The following VWA5A variants were observed in gnomAD, a reference collection of about 807,000 sequenced individuals.
VWA5A encodes the protein von Willebrand factor A domain containing 5A.
In VWA5A, 77 loss-of-function variants were observed where a neutral mutation model predicts 84.6. The observed-to-expected ratio is 0.91, with a 90% confidence interval of 0.76 to 1.10. The LOEUF (loss-of-function observed/expected upper bound fraction) is 1.10. Among genes scored for constraint, VWA5A ranks in the 50% least tolerant of loss-of-function variants. VWA5A has a pLI of 0.00. For synonymous variants in VWA5A, 334 were observed against 350.1 expected, an observed-to-expected ratio of 0.95 and a Z score of 0.51; for missense variants, 973 against 963.0, an observed-to-expected ratio of 1.01 and a Z score of -0.14.
At position 124,142,457 on chromosome 11, in the gene VWA5A, A is replaced by G. The variant is rs760197516; in HGVS notation, c.2039A>G (p.His680Arg). The G allele has an allele frequency of 1.4e-5, 22 of 1,614,032 alleles. No homozygotes were observed. The highest frequency in any genetic ancestry group is 1.7e-5 in the Non-Finnish European group (20 of 1,180,030). The change falls in exon 17 of 19, where the codon CAC becomes CGC. Residue 680 changes from histidine (H) to arginine (R), a missense_variant. Coordinates refer to ENST00000456829, the MANE Select transcript of VWA5A (RefSeq NM_001130142.2). ...CTCCTCAAAGGCTTTGGAGAGAATCACCTTGTGCAGCTGATTTACCACCAA... is the reference window on the plus strand; with the variant it reads ...CTCCTCAAAGGCTTTGGAGAGAATCGCCTTGTGCAGCTGATTTACCACCAA... Reference protein sequence around the residue: ...DQHSPGFGENHLVQLIYHQNA... With the variant: ...DQHSPGFGENRLVQLIYHQNA...
At position 124,146,170 on chromosome 11, in the gene VWA5A, A is replaced by G. The variant is rs910402454; in HGVS notation, c.*225A>G. 4 of 423,778 alleles carry G rather than the reference A, an allele frequency of 9.4e-6. No homozygotes were observed. The highest frequency in any genetic ancestry group is 8.3e-5 in the African/African-American group (4 of 48,120). 26.3% of individuals were successfully genotyped at this position (423,778 alleles called of 1,614,324 possible). On this transcript the variant is annotated 3_prime_UTR_variant, in exon 19 of 19. Coordinates refer to ENST00000456829, the MANE Select transcript of VWA5A (RefSeq NM_001130142.2). ...AAAAGTGACAGTGGTCCCAGAACCTATTCCCTTTCTTGAGGGAGTTCAAAA... is the reference window on the plus strand; with the variant it reads ...AAAAGTGACAGTGGTCCCAGAACCTGTTCCCTTTCTTGAGGGAGTTCAAAA...
rs765190245 is a variant in VWA5A, at chr11:124,142,489, A to C, written c.2071A>C (p.Asn691His). The C allele has an allele frequency of 3.1e-6, 5 of 1,614,082 alleles. No homozygotes were observed. Among genetic ancestry groups the C allele is most frequent in the Admixed American group, 1.7e-5 (1 of 60,008 alleles). The change falls in exon 17 of 19, where the codon AAT becomes CAT. Residue 691 changes from asparagine to histidine, a missense_variant. Asn to His is a moderately conservative substitution (Grantham distance 68). Transcript: ENST00000456829. The part of the protein sequence containing the change: ...LVQLIYHQNA[N>H]GSWDLNEDLA... ...GCAGCTGATTTACCACCAAAATGCAAATGGTTCCTGGGATCTGAATGAAGA... is the reference window on the plus strand; with the variant it reads ...GCAGCTGATTTACCACCAAAATGCACATGGTTCCTGGGATCTGAATGAAGA...
chr11:124,117,619 A>G (rs1864853277), intron 3 of VWA5A, 54 bp from the exon 4 acceptor site: 1 of 1,614,004 alleles, frequency 6.2e-7, no homozygotes, highest in Admixed American at 1.7e-5. Flanking sequence ...GGCTTGATCT[A>G]CAAGGAGGCA....
chr11:124,139,971 C>T (rs1860695072), intron 15 of VWA5A, among the ~76,000 whole-genome samples: 1 of 152,080 alleles, frequency 6.6e-6, no homozygotes, highest in African/African-American at 2.4e-5. Flanking sequence ...AGGTACCTTA[C>T]ATCTATACCT....
At chr11:124,118,784 CCCAAGTGGT>C in intron 6 of VWA5A, 76 bp downstream of exon 6, 1 of 1,530,842 alleles carries the variant, frequency 6.5e-7, no homozygotes, top group East Asian at 2.4e-5. Context: ...ACCAGTTCTT[CCCAAGTGGT>C]AACCCAGAGG....
chr11:124,124,018 C>T (rs1166925896), intron 10 of VWA5A, among the ~76,000 whole-genome samples: 1 of 152,068 alleles, frequency 6.6e-6, no homozygotes, highest in Non-Finnish European at 1.5e-5. Flanking sequence ...GCCACAATAA[C>T]TGAGATGCAG....
chr11:124,131,685 TATTA>T (rs1865099746), intron 11 of VWA5A, among the ~76,000 whole-genome samples: 1 of 151,946 alleles, frequency 6.6e-6, no homozygotes, highest in Admixed American at 6.5e-5. Context: ...TTAATTTAGA[TATTA>T]ATTAAATTAT....
Position 124,122,980 on chromosome 11 carries a change from T to A in VWA5A, c.781T>A (p.Ser261Thr), listed in dbSNP as rs1358102520. The A allele has an allele frequency of 2.5e-6, 4 of 1,613,796 alleles. No individual in the cohort carries two copies. Among genetic ancestry groups the A allele is most frequent in the Admixed American group, 1.7e-5 (1 of 60,012 alleles). The change falls in exon 8 of 19, where the codon TCT becomes ACT. Residue 261 changes from serine (S) to threonine (T), a missense_variant. Physicochemically the swap from Ser to Thr is moderately conservative, Grantham distance 58. Coordinates refer to ENST00000456829, the MANE Select transcript of VWA5A (RefSeq NM_001130142.2). ...MKPGHLMGDP[S>T]AMVSFYPNIP... ...AACAGGTCATTTGATGGGAGATCCA[T>A]CTGCAATGGTGAGTTTCTATCCAAA...
In VWA5A at chr11:124,118,866, T is replaced by C. The variant is rs1864885453; in HGVS notation, c.646-109T>C. 16 of 1,350,970 alleles carry C rather than the reference T, an allele frequency of 1.2e-5. No homozygotes were observed. In the South Asian group the frequency reaches 2.1e-4, roughly 18 times the overall value. The allele number at this position is 1,350,970 out of a possible 1,614,324, so 83.7% of individuals were successfully genotyped here. A position where few individuals can be genotyped will look rare whatever the true frequency, so the allele number is the denominator to read the frequency against. ...CCAGAGCCTTCTCTCCAGCCTCACC[T>C]CTGTTCCTAGTCATGCTGTCTTATG... On this transcript the variant is annotated intron_variant, in intron 6 of 18. Coordinates refer to ENST00000456829, the MANE Select transcript of VWA5A (RefSeq NM_001130142.2).
intron 18 of VWA5A, 26 bp from the exon 19 acceptor site, chr11:124,145,840 C>T (rs760018366): frequency 4.5e-6 from 7 of 1,562,240 alleles, no homozygotes; most frequent in Non-Finnish European, 4.3e-6. Flanking sequence ...TCCTTCATCC[C>T]TGCTTCTTGT....
intron 11 of VWA5A, among the ~76,000 whole-genome samples, chr11:124,127,179 C>A (rs1565617354): frequency 1.3e-5 from 2 of 152,118 alleles, no homozygotes; most frequent in African/African-American, 4.8e-5. Context: ...CCCCCACCCC[C>A]TGACAGGCCC....
chr11:124,134,465 G>T (rs1010975973), intron 11 of VWA5A, among the ~76,000 whole-genome samples: 8 of 152,190 alleles, frequency 5.3e-5, no homozygotes, highest in African/African-American at 1.9e-4. Context: ...ATTTAGAAGT[G>T]CAGGAGGCAC....
At chr11:124,130,536 T>C (rs1865081271) in intron 11 of VWA5A, among the ~76,000 whole-genome samples, 1 of 152,156 alleles carries the variant, frequency 6.6e-6, no homozygotes, top group Non-Finnish European at 1.5e-5. Flanking sequence ...ATATATTTGT[T>C]AGTTTTTTGT....
At chr11:124,125,746 T>C (rs1865010108) in intron 11 of VWA5A, among the ~76,000 whole-genome samples, 1 of 152,254 alleles carries the variant, frequency 6.6e-6, no homozygotes, top group African/African-American at 2.4e-5. Context: ...ATCTATATAG[T>C]TCATTCTGTA....
chr11:124,138,204 A>G (rs189283287), intron 15 of VWA5A, among the ~76,000 whole-genome samples: 140 of 152,298 alleles, frequency 9.2e-4, no homozygotes, highest in Admixed American at 2.9e-3. Context: ...TTCATCATTC[A>G]TTCATCCACT....
At chr11:124,134,570 T>C (rs1479179047) in intron 11 of VWA5A, among the ~76,000 whole-genome samples, 1 of 152,166 alleles carries the variant, frequency 6.6e-6, no homozygotes, top group Non-Finnish European at 1.5e-5. Context: ...TTCTGTTAGT[T>C]TGCCAGAGAG....
chr11:124,132,267 G>T (rs2137649687), intron 11 of VWA5A, among the ~76,000 whole-genome samples: 1 of 151,912 alleles, frequency 6.6e-6, no homozygotes, highest in South Asian at 2.1e-4. Flanking sequence ...TCAGGATTTT[G>T]AATCTATTTT....
At chr11:124,136,902 C>A in intron 14 of VWA5A, 113 bp from the exon 15 acceptor site, 1 of 1,411,564 alleles carries the variant, frequency 7.1e-7, no homozygotes, top group East Asian at 2.3e-5. Flanking sequence ...TCTTCTCTCT[C>A]CCCTTATCTG....
intron 15 of VWA5A, 62 bp from the exon 16 acceptor site, chr11:124,141,536 C>T: frequency 2.5e-6 from 4 of 1,589,730 alleles, no homozygotes; most frequent in Non-Finnish European, 3.4e-6. Context: ...TGAATTGTCA[C>T]AGTCCTTTGC....
Sources: allele counts gnomAD v4.1 joint callset (sites outside exome capture counted in the v4.1 genomes callset), GRCh38; gene constraint gnomAD v4.1.1; transcripts MANE v1.5; gene names NCBI Gene and HGNC (gene_info 2026-07-23, HGNC 2026-07-21).